Variants in TBCK observed in about 807,000 individuals in gnomAD.
TBCK encodes TBC1 domain containing kinase.
A neutral mutation model predicts 113.4 loss-of-function variants in TBCK; 99 were observed. That is an observed-to-expected ratio of 0.87 (90% CI 0.74 to 1.03). TBCK has a LOEUF of 1.03. TBCK is among the 50% of genes least tolerant of loss of function. The probability of loss-of-function intolerance (pLI) is 0.00; values close to 1 mark genes in which losing one functional copy is unlikely to be tolerated. For synonymous variants in TBCK, 369 were observed against 370.8 expected (o/e 1.00, Z 0.05); for missense variants, 1,045 against 1,061.3 (o/e 0.98, Z 0.21).
chr4:106,157,544 C>T (rs995391685), intron 23 of TBCK, among the ~76,000 whole-genome samples: 5 of 152,162 alleles, frequency 3.3e-5, no homozygotes, highest in Admixed American at 2.6e-4. Context: ...CAATTCCCCT[C>T]TGGCTAGAGT....
intron 22 of TBCK, among the ~76,000 whole-genome samples, chr4:106,177,751 G>C (rs528806495): frequency 6.6e-6 from 1 of 151,668 alleles, no homozygotes; most frequent in African/African-American, 2.4e-5. Context: ...GTATATTTGG[G>C]AATTAGTGTG....
At chr4:106,160,184 CAT>C (rs1749607373) in intron 23 of TBCK, among the ~76,000 whole-genome samples, 2 of 152,040 alleles carry the variant, frequency 1.3e-5, no homozygotes, top group Non-Finnish European at 2.9e-5. Flanking sequence ...TAGAAGAAAA[CAT>C]AGGGCAAAAG....
chr4:106,144,950 A>T (rs2149663537), intron 23 of TBCK, among the ~76,000 whole-genome samples: 1 of 145,130 alleles, frequency 6.9e-6, no homozygotes, highest in Non-Finnish European at 1.5e-5. Context: ...TTGAACTGGG[A>T]GGCGGAGGTT....
chr4:106,225,863 T>A (rs543778904), intron 19 of TBCK, among the ~76,000 whole-genome samples: 3 of 152,206 alleles, frequency 2.0e-5, no homozygotes, highest in African/African-American at 7.2e-5. Flanking sequence ...ATAGTATGCC[T>A]TTTAAAAGTG....
chr4:106,291,840 AATAAC>A (rs1765745731), intron 3 of TBCK, among the ~76,000 whole-genome samples: 1 of 152,242 alleles, frequency 6.6e-6, no homozygotes, highest in South Asian at 2.1e-4. Flanking sequence ...AAACTGATGA[AATAAC>A]AGAGGATATT....
chr4:106,228,902 A>G (rs1758529551), intron 19 of TBCK, among the ~76,000 whole-genome samples: 1 of 151,990 alleles, frequency 6.6e-6, no homozygotes, highest in South Asian at 2.1e-4. Flanking sequence ...CCTCACCAGC[A>G]TTTGTTATTG....
At chr4:106,266,107 C>T (rs1762967229) in intron 3 of TBCK, among the ~76,000 whole-genome samples, 1 of 151,354 alleles carries the variant, frequency 6.6e-6, no homozygotes. Context: ...ATATTCCAAA[C>T]TTAAAAAAAA....
At chr4:106,315,047 T>C (rs1768635660) in intron 1 of TBCK, among the ~76,000 whole-genome samples, 1 of 152,124 alleles carries the variant, frequency 6.6e-6, no homozygotes, top group Admixed American at 6.5e-5. Flanking sequence ...TTCCACTACC[T>C]CTTAAATGGT....
intron 25 of TBCK, among the ~76,000 whole-genome samples, chr4:106,072,478 T>TG (rs1410955040): frequency 6.6e-6 from 1 of 152,234 alleles, no homozygotes; most frequent in Non-Finnish European, 1.5e-5. Flanking sequence ...GTTAGTTTGA[T>TG]GGGCTTCCCT....
At chr4:106,279,876 C>G (rs1764407181) in intron 3 of TBCK, among the ~76,000 whole-genome samples, 1 of 152,066 alleles carries the variant, frequency 6.6e-6, no homozygotes, top group African/African-American at 2.4e-5. Flanking sequence ...CTATTGTGAA[C>G]AGTGCTGCAA....
intron 3 of TBCK, among the ~76,000 whole-genome samples, chr4:106,286,362 G>C (rs1765104803): frequency 6.6e-6 from 1 of 152,096 alleles, no homozygotes; most frequent in Admixed American, 6.6e-5. Flanking sequence ...CAAAATCATT[G>C]AAGAAACCAC....
At chr4:106,204,565 A>T (rs1401865552) in intron 20 of TBCK, among the ~76,000 whole-genome samples, 1 of 152,192 alleles carries the variant, frequency 6.6e-6, no homozygotes, top group Non-Finnish European at 1.5e-5. Flanking sequence ...GAAGGAGTAA[A>T]AATTATTAAA....
chr4:106,049,482 T>C (rs1351730977), intron 25 of TBCK, among the ~76,000 whole-genome samples: 9 of 152,052 alleles, frequency 5.9e-5, no homozygotes, highest in African/African-American at 1.9e-4. Context: ...ACAATATTCT[T>C]TGTGGCTATA....
At chr4:106,236,019 A>AT in intron 14 of TBCK, among the ~76,000 whole-genome samples, 1 of 151,898 alleles carries the variant, frequency 6.6e-6, no homozygotes, top group East Asian at 1.9e-4. Context: ...TTTAATTTGT[A>AT]TTTTTTTCAT....
chr4:106,138,320 C>T (rs997862647), intron 23 of TBCK, among the ~76,000 whole-genome samples: 6 of 140,610 alleles, frequency 4.3e-5, no homozygotes, highest in African/African-American at 1.3e-4. Context: ...AATTCTATTA[C>T]CTTATTTTTT....
intron 3 of TBCK, among the ~76,000 whole-genome samples, chr4:106,290,321 G>A (rs1320241506): frequency 6.6e-6 from 1 of 152,068 alleles, no homozygotes; most frequent in African/African-American, 2.4e-5. Flanking sequence ...GGGACTACAG[G>A]CGCCTGCCAC....
chr4:106,069,295 T>C lies in TBCK; in HGVS notation c.2572-22615A>G, dbSNP rs1221298065. 2.0e-5 allele frequency among the ~76,000 whole-genome samples: 3 copies of C among 152,228 alleles called. No individual in the cohort carries two copies. In the East Asian group the frequency reaches 5.8e-4, roughly 29 times the overall value. On this transcript the variant is annotated intron_variant, in intron 25 of 25. Coordinates refer to ENST00000394708, the MANE Select transcript of TBCK (RefSeq NM_001163435.3). ...GGTTTTAGGTCTAATATTTAAGTCT[T>C]TCATCCATCTGGAATTAATTTTTGT...
chr4:106,303,402 A>G (rs559582811), intron 2 of TBCK, among the ~76,000 whole-genome samples: 201 of 152,236 alleles, frequency 1.3e-3, no homozygotes, highest in African/African-American at 4.7e-3. Context: ...TTCATTATTC[A>G]GCAAACACAT....
intron 24 of TBCK, among the ~76,000 whole-genome samples, chr4:106,105,965 G>A (rs985563384): frequency 1.1e-4 from 17 of 151,842 alleles, no homozygotes; most frequent in African/African-American, 2.4e-4. Context: ...AAAGATAATC[G>A]AAATGAAAAA....
Sources: gnomAD v4.1 joint callset for allele counts (sites outside exome capture counted in the v4.1 genomes callset) on GRCh38, gnomAD v4.1.1 for gene constraint, MANE v1.5 for transcripts, NCBI Gene and HGNC (gene_info 2026-07-23, HGNC 2026-07-21) for gene names.